COL19A1: variants seen among roughly 807,000 people sequenced by gnomAD.
COL19A1 encodes collagen type XIX alpha 1 chain, also known as collagen alpha-1(XIX) chain.
A neutral mutation model predicts 190.2 loss-of-function variants in COL19A1; 159 were observed. The observed-to-expected ratio is 0.84, with a 90% CI of 0.73 to 0.95. The LOEUF (loss-of-function observed/expected upper bound fraction) is 0.95, where lower values mean the gene tolerates loss of function less well. COL19A1 is among the 40% of genes least tolerant of loss of function. The pLI, the probability that COL19A1 is intolerant of heterozygous loss-of-function variation, is 0.00. For synonymous variants in COL19A1, 509 were observed against 458.9 expected, an observed-to-expected ratio of 1.11 and a Z score of -1.39; for missense variants, 1,418 against 1,431.9, an observed-to-expected ratio of 0.99 and a Z score of 0.16.
intron 4 of COL19A1, among the ~76,000 whole-genome samples, chr6:69,927,444 G>A (rs1283339579): frequency 1.3e-5 from 2 of 152,104 alleles, no homozygotes; most frequent in African/African-American, 2.4e-5. Context: ...ATTTAGCATG[G>A]TCTTCAGTTG....
intron 4 of COL19A1, among the ~76,000 whole-genome samples, chr6:69,922,535 C>T (rs1772055066): frequency 7.4e-6 from 1 of 135,458 alleles, no homozygotes; most frequent in South Asian, 2.3e-4. Flanking sequence ...GGCTGGAATG[C>T]AGTGGTGCAA....
chr6:69,867,558 T>G (rs904732047), intron 1 of COL19A1: 2 of 152,318 alleles, frequency 1.3e-5, no homozygotes, highest in African/African-American at 4.8e-5. Context: ...GCTAGGGCGC[T>G]GCAGGGTCGC....
At chr6:70,118,872 C>T (rs1784731696) in intron 16 of COL19A1, among the ~76,000 whole-genome samples, 1 of 152,198 alleles carries the variant, frequency 6.6e-6, no homozygotes, top group Non-Finnish European at 1.5e-5. Context: ...GCATATTCTC[C>T]CACCCCACCC....
intron 2 of COL19A1, among the ~76,000 whole-genome samples, chr6:69,881,282 C>T (rs539982439): frequency 6.6e-6 from 1 of 152,296 alleles, no homozygotes; most frequent in Admixed American, 6.5e-5. Flanking sequence ...TTCTTTTCAC[C>T]TGGTTACCTT....
chr6:69,983,226 T>C (rs1776145066), intron 11 of COL19A1, among the ~76,000 whole-genome samples: 1 of 152,078 alleles, frequency 6.6e-6, no homozygotes, highest in Admixed American at 6.6e-5. Flanking sequence ...TGTAGAGTTC[T>C]TACATAATTT....
chr6:70,165,453 C>T (rs925114921), intron 36 of COL19A1, among the ~76,000 whole-genome samples: 2 of 152,150 alleles, frequency 1.3e-5, no homozygotes, highest in African/African-American at 2.4e-5. Flanking sequence ...TGAAGTTTCC[C>T]TCCTGCAGAC....
At chr6:69,986,548 A>T (rs185369689) in intron 11 of COL19A1, among the ~76,000 whole-genome samples, 70 of 152,276 alleles carry the variant, frequency 4.6e-4, no homozygotes, top group African/African-American at 1.7e-3. Flanking sequence ...TCTCTTAGAG[A>T]TGGTTGCATA....
chr6:70,210,789 AC>A lies in COL19A1; in HGVS notation c.*3516del, dbSNP rs1287625459. On this transcript the variant is annotated 3_prime_UTR_variant, in exon 51 of 51. Coordinates refer to ENST00000620364, the MANE Select transcript of COL19A1 (RefSeq NM_001858.6). ...ACTCTTGCCTTTGCACTTTTTTTTAACTTTTGTAGATAATTTTTGTTAATTT... is the reference window on the plus strand; with the variant it reads ...ACTCTTGCCTTTGCACTTTTTTTTAATTTTGTAGATAATTTTTGTTAATTT... 2.0e-5 allele frequency among the ~76,000 whole-genome samples: 3 copies of A among 152,016 alleles called. No individual in the cohort carries two copies. Among genetic ancestry groups the A allele is most frequent in the African/African-American group, 7.2e-5 (3 of 41,408 alleles).
At chr6:69,944,522 T>C (rs1157201050) in intron 9 of COL19A1, among the ~76,000 whole-genome samples, 10 of 152,186 alleles carry the variant, frequency 6.6e-5, no homozygotes, top group African/African-American at 2.4e-4. Context: ...TATTATATTG[T>C]TAACTATTGT....
rs145402887 is a variant in COL19A1 at position 70,115,161 on chromosome 6, T to C, written c.1279-6719T>C. Among the ~76,000 whole-genome samples the C allele has an allele frequency of 2.6e-3, 397 of 152,296 alleles. 2 individuals carry two copies. The highest frequency in any genetic ancestry group is 8.8e-3 in the African/African-American group (365 of 41,564). ...ACTTGGTACTGTCTTCTCCTGTCCTTAGCCCCCAAGGGCCATCCCTTTATT... is the reference window on the plus strand; with the variant it reads ...ACTTGGTACTGTCTTCTCCTGTCCTCAGCCCCCAAGGGCCATCCCTTTATT... On this transcript the variant is annotated intron_variant, in intron 16 of 50. Coordinates refer to ENST00000620364, the MANE Select transcript of COL19A1 (RefSeq NM_001858.6).
intron 2 of COL19A1, among the ~76,000 whole-genome samples, chr6:69,892,012 T>C (rs1244005446): frequency 6.6e-6 from 1 of 152,204 alleles, no homozygotes; most frequent in African/African-American, 2.4e-5. Context: ...AAGTTAAAAC[T>C]GTGGAACTGA....
At chr6:69,963,879 A>G (rs1582542239) in intron 11 of COL19A1, among the ~76,000 whole-genome samples, 1 of 152,208 alleles carries the variant, frequency 6.6e-6, no homozygotes, top group African/African-American at 2.4e-5. Flanking sequence ...CAAATTTACA[A>G]CTTTCTATTG....
At chr6:70,083,893 G>T (rs1030951596) in intron 15 of COL19A1, among the ~76,000 whole-genome samples, 2 of 152,056 alleles carry the variant, frequency 1.3e-5, no homozygotes, top group Non-Finnish European at 2.9e-5. Context: ...AAGACAACCA[G>T]TAGGGCTAAA....
At chr6:69,941,694 T>TC (rs930805401) in intron 9 of COL19A1, among the ~76,000 whole-genome samples, 1 of 151,244 alleles carries the variant, frequency 6.6e-6, no homozygotes, top group Non-Finnish European at 1.5e-5. Flanking sequence ...TAGTTGCTTT[T>TC]TTTTTTTTTT....
intron 27 of COL19A1, among the ~76,000 whole-genome samples, chr6:70,147,835 T>C (rs540164139): frequency 6.6e-6 from 1 of 152,248 alleles, no homozygotes; most frequent in African/African-American, 2.4e-5. Context: ...ATGACTTCTG[T>C]CCAACCAGCT....
chr6:70,045,864 A>G (rs1193321816), intron 14 of COL19A1, among the ~76,000 whole-genome samples: 1 of 152,216 alleles, frequency 6.6e-6, no homozygotes, highest in East Asian at 1.9e-4. Context: ...TCCTCAGACT[A>G]AACATCTTAA....
At chr6:69,873,575 G>GT (rs1000234087) in intron 1 of COL19A1, among the ~76,000 whole-genome samples, 2 of 152,204 alleles carry the variant, frequency 1.3e-5, no homozygotes, top group African/African-American at 4.8e-5. Context: ...CTTTATGAAG[G>GT]TATTTGCTGA....
chr6:70,025,777 A>T (rs1385299419), intron 12 of COL19A1, among the ~76,000 whole-genome samples: 1 of 152,242 alleles, frequency 6.6e-6, no homozygotes, highest in East Asian at 1.9e-4. Flanking sequence ...CTGAGCGGTT[A>T]TTAATATTAT....
chr6:69,869,861 T>C (rs916575717), intron 1 of COL19A1, among the ~76,000 whole-genome samples: 1 of 152,222 alleles, frequency 6.6e-6, no homozygotes, highest in East Asian at 1.9e-4. Context: ...ATGTAGACAC[T>C]AGTTTGGAAG....
Sources: gnomAD v4.1 joint callset for allele counts (sites outside exome capture counted in the v4.1 genomes callset) on GRCh38, gnomAD v4.1.1 for gene constraint, MANE v1.5 for transcripts, NCBI Gene and HGNC (gene_info 2026-07-23, HGNC 2026-07-21) for gene names.